Variants in KITLG observed in about 807,000 individuals in gnomAD.
KITLG encodes the protein KIT ligand.
In KITLG, 13 loss-of-function variants were observed where a neutral mutation model predicts 34.1. The observed-to-expected ratio is 0.38, with a 90% confidence interval of 0.25 to 0.61. The LOEUF (loss-of-function observed/expected upper bound fraction) is 0.61, where lower values mean the gene tolerates loss of function less well. Among genes scored for constraint, KITLG ranks in the 20% least tolerant of loss-of-function variants. The pLI is 0.60. For synonymous variants in KITLG, 110 were observed against 104.0 expected (o/e 1.06, Z -0.35); for missense variants, 292 against 318.9 (o/e 0.92, Z 0.64).
At chr12:88,520,064 T>C (rs557587412) in intron 3 of KITLG, among the ~76,000 whole-genome samples, 1 of 152,216 alleles carries the variant, frequency 6.6e-6, no homozygotes, top group Non-Finnish European at 1.5e-5. Context: ...AACCATTAAA[T>C]GTCACTCAAA....
At chr12:88,509,109 T>C (rs1185476641) in intron 6 of KITLG, among the ~76,000 whole-genome samples, 6 of 152,202 alleles carry the variant, frequency 3.9e-5, no homozygotes, top group Admixed American at 3.3e-4. Context: ...TAAGAGGCCA[T>C]AATCAATGTA....
intron 9 of KITLG, among the ~76,000 whole-genome samples, chr12:88,502,975 A>G (rs1309571476): frequency 1.3e-5 from 2 of 152,176 alleles, no homozygotes; most frequent in Admixed American, 6.6e-5. Flanking sequence ...TCTAGGAAAA[A>G]GCATGGTTTC....
intron 1 of KITLG, among the ~76,000 whole-genome samples, chr12:88,577,895 A>C (rs889836517): frequency 3.3e-5 from 5 of 152,172 alleles, no homozygotes; most frequent in East Asian, 1.9e-4. Context: ...TATTACTATA[A>C]ATTTTTTTTA....
chr12:88,563,016 T>G (rs151126826), intron 1 of KITLG, among the ~76,000 whole-genome samples: 20 of 152,348 alleles, frequency 1.3e-4, no homozygotes, highest in African/African-American at 4.6e-4. Flanking sequence ...TGCAGTAAGT[T>G]CACTGGAAGT....
chr12:88,507,170 C>A, intron 6 of KITLG, 33 bp from the exon 7 acceptor site: 1 of 1,285,160 alleles, frequency 7.8e-7, no homozygotes, highest in South Asian at 1.2e-5. Flanking sequence ...ATGAATACAG[C>A]ATATCCATTC....
At chr12:88,526,144 G>C (rs997214467) in intron 3 of KITLG, among the ~76,000 whole-genome samples, 16 of 152,284 alleles carry the variant, frequency 1.1e-4, no homozygotes, top group African/African-American at 3.4e-4. Flanking sequence ...AGAGAGTCAT[G>C]AACATTAGGT....
At chr12:88,570,953 G>C (rs569450581) in intron 1 of KITLG, among the ~76,000 whole-genome samples, 1 of 152,110 alleles carries the variant, frequency 6.6e-6, no homozygotes, top group South Asian at 2.1e-4. Context: ...GGCCTACTTT[G>C]TTATTTCTTT....
intron 6 of KITLG, among the ~76,000 whole-genome samples, chr12:88,513,032 G>A (rs188986182): frequency 2.6e-5 from 4 of 151,826 alleles, no homozygotes; most frequent in East Asian, 1.9e-4. Context: ...TTTAAAATAC[G>A]TATGACAGTT....
At chr12:88,551,930 C>G (rs958127917) in intron 1 of KITLG, among the ~76,000 whole-genome samples, 3 of 152,044 alleles carry the variant, frequency 2.0e-5, no homozygotes, top group Non-Finnish European at 4.4e-5. Context: ...CAGCTCTGTT[C>G]AGAGAGAGGT....
intron 1 of KITLG, among the ~76,000 whole-genome samples, chr12:88,556,525 G>A (rs1056213466): frequency 6.6e-6 from 1 of 152,154 alleles, no homozygotes; most frequent in Non-Finnish European, 1.5e-5. Context: ...CGTTCAACAG[G>A]ATATGGAAGT....
chr12:88,501,784 A>C (rs1367256799), intron 9 of KITLG, among the ~76,000 whole-genome samples: 1 of 152,082 alleles, frequency 6.6e-6, no homozygotes. Flanking sequence ...ATTTTCATAT[A>C]TTTTATTCTC....
At chr12:88,543,132 T>C (rs887054976) in intron 2 of KITLG, among the ~76,000 whole-genome samples, 6 of 152,214 alleles carry the variant, frequency 3.9e-5, no homozygotes, top group African/African-American at 1.4e-4. Flanking sequence ...ATTATTATAC[T>C]TTAAGTTCTA....
intron 3 of KITLG, among the ~76,000 whole-genome samples, chr12:88,529,637 T>C (rs1039392026): frequency 6.6e-6 from 1 of 152,226 alleles, no homozygotes; most frequent in Non-Finnish European, 1.5e-5. Context: ...ATTTTATTGC[T>C]TTGGCACCAG....
At chr12:88,504,038 T>G (rs2120796005) in intron 9 of KITLG, among the ~76,000 whole-genome samples, 1 of 152,252 alleles carries the variant, frequency 6.6e-6, no homozygotes, top group South Asian at 2.1e-4. Context: ...TTAATTTTAG[T>G]CCTAATTTGC....
At chr12:88,576,141 A>G (rs1871816305) in intron 1 of KITLG, among the ~76,000 whole-genome samples, 1 of 152,226 alleles carries the variant, frequency 6.6e-6, no homozygotes, top group African/African-American at 2.4e-5. Context: ...GTCAGCGATA[A>G]AGATAATATT....
At chr12:88,525,549 AAAT>A (rs1869834989) in intron 3 of KITLG, among the ~76,000 whole-genome samples, 2 of 151,736 alleles carry the variant, frequency 1.3e-5, no homozygotes, top group South Asian at 4.2e-4. Context: ...CACAACAACA[AAAT>A]AATAATGATG....
intron 2 of KITLG, among the ~76,000 whole-genome samples, chr12:88,534,384 C>CT (rs972882646): frequency 1.5e-4 from 23 of 150,948 alleles, no homozygotes; most frequent in African/African-American, 4.9e-4. Flanking sequence ...CTTTTTTTTT[C>CT]TTTTTTTGGT....
At chr12:88,554,127 G>A (rs1021408096) in intron 1 of KITLG, among the ~76,000 whole-genome samples, 7 of 152,078 alleles carry the variant, frequency 4.6e-5, no homozygotes, top group Admixed American at 2.0e-4. Context: ...TAATCTGAAC[G>A]TGTGTTGCAA....
intron 3 of KITLG, among the ~76,000 whole-genome samples, chr12:88,530,959 T>A (rs1471553562): frequency 6.6e-6 from 1 of 152,182 alleles, no homozygotes. Flanking sequence ...GGTCAAAACC[T>A]ACACAAAGTA....
Sources: gnomAD v4.1 joint callset for allele counts (sites outside exome capture counted in the v4.1 genomes callset) on GRCh38, gnomAD v4.1.1 for gene constraint, MANE v1.5 for transcripts, NCBI Gene and HGNC (gene_info 2026-07-23, HGNC 2026-07-21) for gene names.